RYR1: variants seen among roughly 807,000 people sequenced by gnomAD.
RYR1 encodes the protein ryanodine receptor 1.
A neutral mutation model predicts 583.5 loss-of-function variants in RYR1; 342 were observed. That is an observed-to-expected ratio of 0.59 (90% confidence interval 0.54 to 0.64). The LOEUF (loss-of-function observed/expected upper bound fraction) is 0.64. Among genes scored for constraint, RYR1 ranks in the 30% least tolerant of loss-of-function variants. RYR1 has a pLI of 0.00. For missense variants in RYR1, 6,032 were observed against 6,917.2 expected (o/e 0.87, Z 4.54); for synonymous variants, 2,791 against 2,822.5 (o/e 0.99, Z 0.35).
At chr19:38,575,801 TCAA>T in intron 96 of RYR1, 115 bp from the exon 97 acceptor site, 1 of 1,106,124 alleles carries the variant, frequency 9.0e-7, no homozygotes, top group Non-Finnish European at 1.4e-6. Context: ...AGACTCCATC[TCAA>T]AAAAAAAGGA....
At position 38,486,177 on chromosome 19, in the gene RYR1, T is replaced by C; in HGVS notation, c.5522T>C (p.Val1841Ala). The C allele has an allele frequency of 6.2e-7, 1 of 1,612,960 alleles. No homozygotes were observed. The highest frequency in any genetic ancestry group is 1.6e-4 in the Middle Eastern group (1 of 6,062). The change falls in exon 34 of 106, where the codon GTG becomes GCG. Residue 1841 changes from valine to alanine, a missense_variant. This residue lies in a region of RYR1 where 2,627 missense variants were observed against 2,961.3 expected (regional missense o/e 0.89). Coordinates refer to ENST00000359596, the MANE Select transcript of RYR1 (RefSeq NM_000540.3). Reference sequence around the variant, plus strand: ...TCCGTGGAGTTCCAGTTTGTGCCTGTGCTCAAGCTCGTGTCCACCCTGCTG... The same window carrying C: ...TCCGTGGAGTTCCAGTTTGTGCCTGCGCTCAAGCTCGTGTCCACCCTGCTG... Reference protein sequence around the residue: ...GGSVEFQFVPVLKLVSTLLVM... With the variant: ...GGSVEFQFVPALKLVSTLLVM...
intron 19 of RYR1, among the ~76,000 whole-genome samples, chr19:38,459,902 T>C (rs1010514726): frequency 2.0e-5 from 3 of 152,148 alleles, no homozygotes; most frequent in African/African-American, 7.2e-5. Flanking sequence ...AATAACCCCA[T>C]TTATTCCAAA....
chr19:38,528,617 G>A lies in RYR1; in HGVS notation c.10956G>A (p.Met3652Ile), dbSNP rs1971589612. The A allele has an allele frequency of 6.2e-7, 1 of 1,614,166 alleles. No individual in the cohort carries two copies. Residue 3652 changes from methionine to isoleucine, a missense_variant, in exon 75 of 106, where the codon ATG becomes ATA. Met to Ile is a conservative substitution (Grantham distance 10). Around this residue, in one of 11 missense-constraint regions of RYR1, gnomAD observed 1,493 missense variants for 1,715.5 expected, o/e 0.87. Transcript: ENST00000359596. ...YNLPTHRACN[M>I]FLESYKAAWI... ...CCTGCAGGCACCGGGCATGTAACATGTTCCTGGAGAGCTACAAGGCTGCAT... is the reference window on the plus strand; with the variant it reads ...CCTGCAGGCACCGGGCATGTAACATATTCCTGGAGAGCTACAAGGCTGCAT...
chr19:38,449,568 G>A (rs1008997985), intron 11 of RYR1, among the ~76,000 whole-genome samples: 10 of 152,318 alleles, frequency 6.6e-5, no homozygotes, highest in Middle Eastern at 3.4e-3. Flanking sequence ...CTGAGTACCC[G>A]CGTTGTTCTG....
rs368711923 is a variant in RYR1 at position 38,448,375 on chromosome 19, G to T, written c.821G>T (p.Arg274Leu). The T allele has an allele frequency of 6.2e-7, 1 of 1,610,128 alleles. No individual in the cohort carries two copies. Among genetic ancestry groups the T allele is most frequent in the Non-Finnish European group, 8.5e-7 (1 of 1,179,982 alleles). ...CACAGCTGGAGTGGGAGCCACCTGC[G>T]CTGGGGCCAGCCACTCCGAGTCCGG... ...LRISWSGSHL[R>L]WGQPLRVRHV... Residue 274 changes from arginine to leucine, a missense_variant, in exon 10 of 106, where the codon CGC (arginine) becomes CTC (leucine). Arg to Leu is a moderately radical substitution (Grantham distance 102, BLOSUM62 -2). Around this residue, in one of 11 missense-constraint regions of RYR1, gnomAD observed 338 missense variants for 441.6 expected, o/e 0.77. Coordinates refer to ENST00000359596, the MANE Select transcript of RYR1 (RefSeq NM_000540.3).
chr19:38,528,578 C>G, intron 74 of RYR1, 21 bp from the exon 75 acceptor site: 2 of 1,613,146 alleles, frequency 1.2e-6, no homozygotes, highest in Non-Finnish European at 1.7e-6. Flanking sequence ...GTCCCAGTGA[C>G]GTCACACCTC....
rs781377124 is a variant in RYR1 at position 38,504,842 on chromosome 19, C to T, written c.8162C>T (p.Ser2721Phe). The T allele has an allele frequency of 2.1e-5, 34 of 1,614,018 alleles. No homozygotes were observed. Among genetic ancestry groups the T allele is most frequent in the African/African-American group, 9.3e-5 (7 of 74,924 alleles). Residue 2721 changes from serine (S) to phenylalanine (F), a missense_variant, in exon 51 of 106, where the codon TCT becomes TTT. This residue lies in a region of RYR1 where 1,493 missense variants were observed against 1,715.5 expected (regional missense o/e 0.87). Transcript: ENST00000359596. ...GACTATGTGGATGCCTCATACTCAT[C>T]TAAGGCAGAGAAAAAGGCCACAGTG... ...PPDYVDASYS[S>F]KAEKKATVDA...
At chr19:38,569,095 C>G (rs1175905732) in intron 93 of RYR1, among the ~76,000 whole-genome samples, 2 of 152,012 alleles carry the variant, frequency 1.3e-5, no homozygotes, top group African/African-American at 2.4e-5. Context: ...ACTGCAAGCT[C>G]TGACTCCTGG....
Position 38,496,391 on chromosome 19 carries a change from C to T in RYR1, c.6664-18C>T. Reference sequence around the variant, plus strand: ...GGCAGCCACAGAGGGCAGGCCCTGACCACCCTGCCTGTCCCAGGAGATCCG... The same window carrying T: ...GGCAGCCACAGAGGGCAGGCCCTGATCACCCTGCCTGTCCCAGGAGATCCG... On this transcript the variant is annotated intron_variant, in intron 40 of 105. Transcript: ENST00000359596. This position sits in a 1 kb window ranked among gnomAD's most constrained non-coding sequence, Gnocchi z 4.8. The T allele has an allele frequency of 1.9e-6, 3 of 1,613,834 alleles. No individual in the cohort carries two copies. The highest frequency in any genetic ancestry group is 2.5e-6 in the Non-Finnish European group (3 of 1,180,028).
chr19:38,521,037 G>C (rs919777692), intron 67 of RYR1, among the ~76,000 whole-genome samples: 1 of 152,150 alleles, frequency 6.6e-6, no homozygotes, highest in African/African-American at 2.4e-5. Flanking sequence ...CACTTTGAGA[G>C]ACTGAGGCGG....
At chr19:38,450,192 A>G (rs2145367759) in intron 11 of RYR1, among the ~76,000 whole-genome samples, 2 of 152,346 alleles carry the variant, frequency 1.3e-5, no homozygotes, top group Middle Eastern at 3.4e-3. Flanking sequence ...AGAGACTGCC[A>G]TGATGTTACA....
rs35566549 is a variant in RYR1 at position 38,485,989 on chromosome 19, G to T, written c.5334G>T (p.Ser1778=). 20,029 of 1,613,410 alleles carry T rather than the reference G, an allele frequency of 0.012. 2,036 individuals carry two copies. In the African/African-American group the frequency reaches 0.22, roughly 18 times the overall value. Residue 1778 remains serine, a synonymous_variant, in exon 34 of 106, where the codon TCG becomes TCT. Transcript: ENST00000359596. ...TTSLRPPHHF[S]PPCFVAALPA... Reference sequence around the variant, plus strand: ...CGCTGAGGCCCCCGCATCATTTCTCGCCCCCCTGTTTCGTGGCCGCTCTGC... The same window carrying T: ...CGCTGAGGCCCCCGCATCATTTCTCTCCCCCCTGTTTCGTGGCCGCTCTGC...
chr19:38,440,063 C>T (rs1972601919), intron 1 of RYR1, among the ~76,000 whole-genome samples: 1 of 152,222 alleles, frequency 6.6e-6, no homozygotes, highest in East Asian at 1.9e-4. Context: ...CAAATCCCAG[C>T]TCCTCCTGTT....
In RYR1 at chr19:38,505,919, A is replaced by C. The variant is rs140171924; in HGVS notation, c.8514A>C (p.Lys2838Asn). The change falls in exon 54 of 106, where the codon AAA (lysine) becomes AAC (asparagine). Residue 2838 changes from lysine (K) to asparagine (N), a missense_variant. Coordinates refer to ENST00000359596, the MANE Select transcript of RYR1 (RefSeq NM_000540.3). ...AGGAGGAGAAGACGGAAAAGAAAAA[A>C]ACGCGGAAGATATCACAAAGTGCCC... is the stretch of plus-strand genomic sequence containing the variant. ...EGEEEKTEKK[K>N]TRKISQSAQT... 1.1e-5 allele frequency: 17 copies of C among 1,613,756 alleles called. No individual in the cohort carries two copies. In the East Asian group the frequency reaches 3.6e-4, roughly 34 times the overall value.
chr19:38,464,761 G>C lies in RYR1; in HGVS notation c.2870+39G>C, dbSNP rs374251049. The C allele has an allele frequency of 3.5e-5, 54 of 1,532,290 alleles. No individual in the cohort carries two copies. In the African/African-American group the frequency reaches 6.3e-4, roughly 18 times the overall value. The allele number at this position is 1,532,290 out of a possible 1,614,324, so 94.9% of individuals were successfully genotyped here. ...GCCAGGTCCCGTCTGGGGATGGACT[G>C]GGGGCTGGGGATGCTGTGCTAAGGG... On this transcript the variant is annotated intron_variant, in intron 23 of 105. Coordinates refer to ENST00000359596, the MANE Select transcript of RYR1 (RefSeq NM_000540.3).
Position 38,535,211 on chromosome 19 carries a change from G to A in RYR1, c.11430G>A (p.Glu3810=). 1 of 1,614,098 alleles carries A rather than the reference G, an allele frequency of 6.2e-7. No individual in the cohort carries two copies. Among genetic ancestry groups the A allele is most frequent in the Non-Finnish European group, 8.5e-7 (1 of 1,180,008 alleles). ...CCATCCTCAATGGAGGCAATGCTGAGGTCCAGCAGGTAACAGAGGCAAAGG... is the reference window on the plus strand; with the variant it reads ...CCATCCTCAATGGAGGCAATGCTGAAGTCCAGCAGGTAACAGAGGCAAAGG... ...GISILNGGNA[E]VQQKMLDYLK... Residue 3810 remains glutamate, a synonymous_variant, in exon 80 of 106, where the codon GAG becomes GAA. Coordinates refer to ENST00000359596, the MANE Select transcript of RYR1 (RefSeq NM_000540.3).
chr19:38,482,279 C>T (rs1969047789), intron 31 of RYR1, among the ~76,000 whole-genome samples: 1 of 151,984 alleles, frequency 6.6e-6, no homozygotes, highest in Admixed American at 6.6e-5. Flanking sequence ...TTAACATTTT[C>T]CTTTGTCCCC....
At chr19:38,479,228 C>T (rs183435389) in intron 31 of RYR1, among the ~76,000 whole-genome samples, 6 of 152,284 alleles carry the variant, frequency 3.9e-5, no homozygotes, top group African/African-American at 1.4e-4. Flanking sequence ...TTCAATCATA[C>T]AGCAAAATTG....
Position 38,514,469 on chromosome 19 carries a change from T to A in RYR1, c.9473-557T>A, listed in dbSNP as rs376835335. On this transcript the variant is annotated intron_variant, in intron 63 of 105. Coordinates refer to ENST00000359596, the MANE Select transcript of RYR1 (RefSeq NM_000540.3). ...ATAATTTTTGTATTTTTAGTAGAGA[T>A]GGGGTTTCACCATGTTGCCCAGGCT... Among the ~76,000 whole-genome samples the A allele has an allele frequency of 2.4e-4, 37 of 151,598 alleles. 1 individual carries two copies. In the East Asian group the frequency reaches 5.9e-3, roughly 24 times the overall value.
Sources: allele counts gnomAD v4.1 joint callset (sites outside exome capture counted in the v4.1 genomes callset), GRCh38; gene constraint gnomAD v4.1.1; regional missense constraint gnomAD v4.1.1; non-coding constraint Gnocchi (gnomAD v3.1); transcripts MANE v1.5; gene names NCBI Gene and HGNC (gene_info 2026-07-23, HGNC 2026-07-21).